Variants in ABCA12 observed in about 807,000 individuals in gnomAD.
ABCA12 encodes glucosylceramide transporter ABCA12.
A neutral mutation model predicts 293.5 loss-of-function variants in ABCA12; 156 were observed. The ratio of observed to expected loss-of-function variants is 0.53; its 90% CI spans 0.47 to 0.61. The LOEUF is 0.61. ABCA12 is among the 20% of genes least tolerant of loss of function. The pLI is 0.00. For missense variants in ABCA12, 2,797 were observed against 3,090.2 expected (o/e 0.91, Z 2.25); for synonymous variants, 1,063 against 1,108.0 (o/e 0.96, Z 0.81).
intron 35 of ABCA12, among the ~76,000 whole-genome samples, chr2:214,974,463 A>G (rs987034275): frequency 6.6e-6 from 1 of 152,222 alleles, no homozygotes; most frequent in African/African-American, 2.4e-5. Context: ...TCTCAGCTAG[A>G]TAAGTATCTT....
intron 11 of ABCA12, among the ~76,000 whole-genome samples, chr2:215,021,497 T>G (rs1166912648): frequency 6.6e-6 from 1 of 152,212 alleles, no homozygotes; most frequent in Non-Finnish European, 1.5e-5. Flanking sequence ...TTCCATGCCC[T>G]ACATCCTGGG....
rs1018628909 is a variant in ABCA12, at chr2:215,015,577, G to T, written c.1869C>A (p.Asn623Lys). The change falls in exon 15 of 53, where the codon AAC becomes AAA. Residue 623 changes from asparagine (N) to lysine (K), a missense_variant. By Grantham distance (94) the Asn-to-Lys change is moderately conservative (BLOSUM62 0). Transcript: ENST00000272895. ...GCCGGGATCTCTCTGAAAGAGACAG[G>T]TTGCAGAATTCTTTCATTGCATCTT... The part of the protein sequence containing the change: ...KLEDAMKEFC[N>K]LSLSERSRQS... The T allele has an allele frequency of 6.2e-7, 1 of 1,614,004 alleles. No homozygotes were observed.
At chr2:214,967,049 G>A in intron 38 of ABCA12, 96 bp from the exon 39 acceptor site, 1 of 983,608 alleles carries the variant, frequency 1.0e-6, no homozygotes, top group Non-Finnish European at 1.6e-6. Flanking sequence ...TTTAAAATAA[G>A]AGCATCAATT....
intron 48 of ABCA12, among the ~76,000 whole-genome samples, chr2:214,947,134 C>T (rs1430796237): frequency 6.6e-6 from 1 of 152,126 alleles, no homozygotes; most frequent in East Asian, 1.9e-4. Flanking sequence ...TTTGAGTACC[C>T]TGAATTTGTT....
At position 214,966,927 on chromosome 2, in the gene ABCA12, G is replaced by A. The variant is rs1334486494; in HGVS notation, c.5805C>T (p.His1935=). The A allele has an allele frequency of 6.2e-7, 1 of 1,613,650 alleles. No individual in the cohort carries two copies. Among genetic ancestry groups the A allele is most frequent in the Non-Finnish European group, 8.5e-7 (1 of 1,179,754 alleles). Reference sequence around the variant, plus strand: ...GGCTGTTGAGGTAAGCTGGAAGGGAGTGATAGCCTTCTGGATCATACCATA... The same window carrying A: ...GGCTGTTGAGGTAAGCTGGAAGGGAATGATAGCCTTCTGGATCATACCATA... ...AKVWYDPEGY[H]SLPAYLNSLN... Residue 1935 remains histidine (H), a synonymous_variant, in exon 39 of 53, where the codon CAC becomes CAT. Transcript: ENST00000272895.
chr2:214,988,854 T>C (rs546904224), intron 26 of ABCA12, among the ~76,000 whole-genome samples: 39 of 152,044 alleles, frequency 2.6e-4, no homozygotes, highest in African/African-American at 8.9e-4. Context: ...TTGGAGATTA[T>C]ATATGGCAAA....
intron 6 of ABCA12, among the ~76,000 whole-genome samples, chr2:215,049,048 C>T (rs1436391720): frequency 6.6e-6 from 1 of 152,134 alleles, no homozygotes; most frequent in Non-Finnish European, 1.5e-5. Flanking sequence ...AAAATAACTA[C>T]TGAGTACTAG....
chr2:214,943,160 T>TGAC, intron 49 of ABCA12, 143 bp from the exon 50 acceptor site: 1 of 686,452 alleles, frequency 1.5e-6, no homozygotes, highest in African/African-American at 1.8e-5. Flanking sequence ...TTTTTTGAGA[T>TGAC]AGGGTGTCAC....
At chr2:215,107,258 C>A (rs1478238659) in intron 2 of ABCA12, among the ~76,000 whole-genome samples, 1 of 152,146 alleles carries the variant, frequency 6.6e-6, no homozygotes, top group Non-Finnish European at 1.5e-5. Flanking sequence ...AATAAGCTTG[C>A]CGCACATTAC....
chr2:215,006,018 C>T (rs1473861043), intron 19 of ABCA12, among the ~76,000 whole-genome samples: 2 of 106,712 alleles, frequency 1.9e-5, no homozygotes, highest in Admixed American at 1.1e-4. Context: ...ATTTCAAATT[C>T]TGTGCATATT....
chr2:215,103,140 G>A (rs1469103582), intron 2 of ABCA12, among the ~76,000 whole-genome samples: 1 of 152,042 alleles, frequency 6.6e-6, no homozygotes, highest in Admixed American at 6.6e-5. Context: ...TCTCTTATAG[G>A]CTTGATTGCT....
chr2:214,936,679 A>C (rs1698229558), intron 51 of ABCA12, among the ~76,000 whole-genome samples: 1 of 152,170 alleles, frequency 6.6e-6, no homozygotes, highest in Non-Finnish European at 1.5e-5. Context: ...TCAACTGTAC[A>C]ATATTTCATC....
At chr2:214,970,241 CAATT>C (rs778468967) in intron 37 of ABCA12, 28 bp downstream of exon 37, 4 of 1,585,418 alleles carry the variant, frequency 2.5e-6, no homozygotes, top group Admixed American at 3.5e-5. Flanking sequence ...AATTAGCAAG[CAATT>C]AAATATGTTA....
intron 9 of ABCA12, among the ~76,000 whole-genome samples, chr2:215,030,707 C>T (rs968560633): frequency 3.3e-5 from 5 of 151,970 alleles, no homozygotes; most frequent in Non-Finnish European, 5.9e-5. Context: ...GGGTCAGCCA[C>T]CTTAGAGGAT....
intron 3 of ABCA12, among the ~76,000 whole-genome samples, chr2:215,060,935 C>A (rs1447823141): frequency 6.6e-6 from 1 of 151,990 alleles, no homozygotes; most frequent in Non-Finnish European, 1.5e-5. Context: ...AAATAGGGAG[C>A]AAATCCACAG....
chr2:215,094,073 A>G (rs1002490236), intron 2 of ABCA12, among the ~76,000 whole-genome samples: 1 of 152,120 alleles, frequency 6.6e-6, no homozygotes, highest in Admixed American at 6.5e-5. Context: ...AACTGAACTC[A>G]TTGTGTTAAC....
Position 214,932,689 on chromosome 2 carries a change from CTGGTA to C in ABCA12, c.7728_7732del (p.Asp2576GlufsTer10), listed in dbSNP as rs1433776157. 1 of 1,613,460 alleles carries C rather than the reference CTGGTA, an allele frequency of 6.2e-7. No individual in the cohort carries two copies. Among genetic ancestry groups the C allele is most frequent in the African/African-American group, 1.3e-5 (1 of 74,852 alleles). On this transcript the variant is annotated frameshift_variant, in exon 53 of 53. Coordinates refer to ENST00000272895, the MANE Select transcript of ABCA12 (RefSeq NM_173076.3). LOFTEE classifies it high-confidence loss of function. ...AACACTTATAGTGGAACCTTGGCTG[CTGGTA>C]TCAGCAGTTTCATAGGACTTCTGGT... is the stretch of plus-strand genomic sequence containing the variant.
chr2:215,062,586 G>A (rs1701551640), intron 3 of ABCA12, among the ~76,000 whole-genome samples: 1 of 151,868 alleles, frequency 6.6e-6, no homozygotes, highest in Non-Finnish European at 1.5e-5. Flanking sequence ...ATCCCAATCC[G>A]TTTCCTCATC....
chr2:215,077,448 A>AT (rs762806085), intron 2 of ABCA12, among the ~76,000 whole-genome samples: 35 of 152,032 alleles, frequency 2.3e-4, no homozygotes, highest in Admixed American at 2.0e-3. Context: ...CCTAGGTTTC[A>AT]TTTTTTTACT....
Sources: gnomAD v4.1 joint callset for allele counts (sites outside exome capture counted in the v4.1 genomes callset) on GRCh38, gnomAD v4.1.1 for gene constraint, MANE v1.5 for transcripts, NCBI Gene and HGNC (gene_info 2026-07-23, HGNC 2026-07-21) for gene names.